Variants in RGS6 observed in about 807,000 individuals in gnomAD.
The protein encoded by RGS6 is regulator of G-protein signaling 6.
A neutral mutation model predicts 78.5 loss-of-function variants in RGS6; 30 were observed. The observed-to-expected ratio is 0.38, with a 90% CI of 0.29 to 0.52. RGS6 has a LOEUF of 0.52. Ranked by LOEUF, RGS6 falls within the 20% of genes least tolerant of loss-of-function variation. The probability of loss-of-function intolerance (pLI) is 0.85; values close to 1 mark genes in which losing one functional copy is unlikely to be tolerated. For missense variants in RGS6, 495 were observed against 609.7 expected (o/e 0.81, Z 1.98); for synonymous variants, 206 against 206.0 (o/e 1.00, Z 0.00).
chr14:72,598,691 C>T, the RGS6 span, among the ~76,000 whole-genome samples: 2 of 152,228 alleles, frequency 1.3e-5, no homozygotes, highest in Non-Finnish European at 2.9e-5. Flanking sequence ...GCTTACACCT[C>T]CCCAAAGCTC....
chr14:71,946,222 A>G (rs555835289), intron 1 of RGS6, among the ~76,000 whole-genome samples: 1 of 152,236 alleles, frequency 6.6e-6, no homozygotes, highest in African/African-American at 2.4e-5. Flanking sequence ...GTGACAGGAG[A>G]CAAAGTAGCT....
chr14:72,113,907 A>G (rs563215433), intron 2 of RGS6, among the ~76,000 whole-genome samples: 1 of 152,334 alleles, frequency 6.6e-6, no homozygotes, highest in East Asian at 1.9e-4. Flanking sequence ...ACTGGGGACA[A>G]TAATGCAATC....
At chr14:72,491,260 A>G (rs1010761801) in intron 12 of RGS6, among the ~76,000 whole-genome samples, 3 of 148,412 alleles carry the variant, frequency 2.0e-5, no homozygotes, top group Non-Finnish European at 3.0e-5. Flanking sequence ...ATGGATATGC[A>G]TTCTAAATAA....
chr14:72,402,199 C>T (rs112377211), intron 3 of RGS6, among the ~76,000 whole-genome samples: 5 of 152,306 alleles, frequency 3.3e-5, no homozygotes, highest in African/African-American at 1.2e-4. Flanking sequence ...TCCAAGATCT[C>T]TCTCAGGGCT....
At chr14:72,065,217 C>G (rs2094085168) in intron 2 of RGS6, among the ~76,000 whole-genome samples, 1 of 152,126 alleles carries the variant, frequency 6.6e-6, no homozygotes. Flanking sequence ...ATTTTGGTTT[C>G]TCATTTTCCT....
At chr14:72,009,092 C>T (rs74939303) in intron 2 of RGS6, among the ~76,000 whole-genome samples, 7,399 of 152,282 alleles carry the variant, frequency 0.049, 261 homozygotes, top group Non-Finnish European at 0.072. Context: ...TGCTGGCTTA[C>T]GCCTATAATC....
In RGS6 at chr14:71,968,673, G is replaced by A. The variant is rs1177306582; in HGVS notation, c.84+3798G>A. On this transcript the variant is annotated intron_variant, in intron 2 of 17. Coordinates refer to ENST00000553525, the MANE Select transcript of RGS6 (RefSeq NM_001204424.2). Reference sequence around the variant, plus strand: ...CAGTTGCCTTTCTAGCACCCTATGCGACTACCATGTTATCAACCACAGACT... The same window carrying A: ...CAGTTGCCTTTCTAGCACCCTATGCAACTACCATGTTATCAACCACAGACT... Among the ~76,000 whole-genome samples the A allele has an allele frequency of 2.6e-5, 4 of 152,230 alleles. No individual in the cohort carries two copies. The East Asian group carries it at 5.8e-4, about 22-fold the overall frequency.
intron 2 of RGS6, among the ~76,000 whole-genome samples, chr14:72,219,720 C>A (rs1190579981): frequency 1.3e-5 from 2 of 152,154 alleles, no homozygotes; most frequent in African/African-American, 2.4e-5. Flanking sequence ...AATATATCAA[C>A]CTTCCTCTTG....
rs867720338 is a variant in RGS6, at chr14:72,061,616, C to T, written c.84+96741C>T. Among the ~76,000 whole-genome samples the T allele has an allele frequency of 4.0e-5, 6 of 151,560 alleles. No individual in the cohort carries two copies. The Middle Eastern group carries it at 0.01, about 260-fold the overall frequency. On this transcript the variant is annotated intron_variant, in intron 2 of 17. Transcript: ENST00000553525. ...ACTTTCAGATCACAATTGATCAAAA[C>T]ACCTATGCAAGGAATTAAACTTGCT...
At chr14:72,144,390 G>A (rs1460669827) in intron 2 of RGS6, among the ~76,000 whole-genome samples, 1 of 152,168 alleles carries the variant, frequency 6.6e-6, no homozygotes, top group Non-Finnish European at 1.5e-5. Context: ...TTCCCCCGAT[G>A]AATGTTACCC....
chr14:72,288,000 AGGT>A (rs1229791644), intron 2 of RGS6, among the ~76,000 whole-genome samples: 1 of 152,188 alleles, frequency 6.6e-6, no homozygotes, highest in Non-Finnish European at 1.5e-5. Context: ...TTTTCTAGAT[AGGT>A]GAGACTTTTT....
At chr14:72,448,607 G>A (rs1158180575) in intron 3 of RGS6, among the ~76,000 whole-genome samples, 1 of 152,106 alleles carries the variant, frequency 6.6e-6, no homozygotes, top group Non-Finnish European at 1.5e-5. Flanking sequence ...CATAGGATTA[G>A]TATAGCAGGA....
intron 2 of RGS6, among the ~76,000 whole-genome samples, chr14:72,327,270 A>C (rs2074013099): frequency 6.6e-6 from 1 of 152,142 alleles, no homozygotes; most frequent in Non-Finnish European, 1.5e-5. Flanking sequence ...AGCAAACTGC[A>C]GGCCAGCTGC....
rs143604076 is a variant in RGS6 at position 72,376,159 on chromosome 14, G to A, written c.184+23965G>A. Among the ~76,000 whole-genome samples, 43 of 152,228 alleles carry A rather than the reference G, an allele frequency of 2.8e-4. 1 individual carries two copies. In the East Asian group the frequency reaches 6.2e-3, roughly 22 times the overall value. Reference sequence around the variant, plus strand: ...TTTAATGAGAAATTCAACAGAGATAGATATCATTTAAAATGAACCAAATTC... The same window carrying A: ...TTTAATGAGAAATTCAACAGAGATAAATATCATTTAAAATGAACCAAATTC... On this transcript the variant is annotated intron_variant, in intron 3 of 17. Coordinates refer to ENST00000553525, the MANE Select transcript of RGS6 (RefSeq NM_001204424.2).
At chr14:72,532,007 T>TGA (rs2097188174) in intron 15 of RGS6, among the ~76,000 whole-genome samples, 1 of 152,226 alleles carries the variant, frequency 6.6e-6, no homozygotes, top group Non-Finnish European at 1.5e-5. Context: ...TCTGCTTCTG[T>TGA]GAGTGTGATT....
intron 2 of RGS6, among the ~76,000 whole-genome samples, chr14:72,288,188 G>A (rs764246794): frequency 2.6e-5 from 4 of 152,092 alleles, no homozygotes; most frequent in Non-Finnish European, 5.9e-5. Context: ...AAAATATTTG[G>A]TAGAATTTGC....
chr14:72,213,272 T>G (rs1311663370), intron 2 of RGS6, among the ~76,000 whole-genome samples: 1 of 152,132 alleles, frequency 6.6e-6, no homozygotes, highest in African/African-American at 2.4e-5. Flanking sequence ...ATGAAAGCTT[T>G]TTTGATGTTA....
At chr14:72,551,800 C>T (rs914409224) in intron 17 of RGS6, among the ~76,000 whole-genome samples, 28 of 152,264 alleles carry the variant, frequency 1.8e-4, no homozygotes, top group Non-Finnish European at 2.5e-4. Context: ...CAGTGTTGGA[C>T]TGTGTCATGC....
chr14:72,537,101 C>T (rs990182594), intron 16 of RGS6, among the ~76,000 whole-genome samples: 19 of 152,206 alleles, frequency 1.2e-4, no homozygotes, highest in Non-Finnish European at 2.2e-4. Flanking sequence ...TGCCCACCCT[C>T]TGTGCTTTTC....
Sources: gnomAD v4.1 joint callset for allele counts (sites outside exome capture counted in the v4.1 genomes callset) on GRCh38, gnomAD v4.1.1 for gene constraint, MANE v1.5 for transcripts, NCBI Gene and HGNC (gene_info 2026-07-23, HGNC 2026-07-21) for gene names.